The following BTF3L4 variants were observed in gnomAD, a reference collection of about 807,000 sequenced individuals.
BTF3L4 encodes the protein transcription factor BTF3 homolog 4.
Under a neutral mutation model 16.8 loss-of-function variants are expected in BTF3L4, and 6 were observed. That is an observed-to-expected ratio of 0.36 (90% CI 0.20 to 0.71). The LOEUF (loss-of-function observed/expected upper bound fraction) is 0.71, where lower values mean the gene tolerates loss of function less well. BTF3L4 is among the 30% of genes least tolerant of loss of function. The pLI, the probability that BTF3L4 is intolerant of heterozygous loss-of-function variation, is 0.58. For synonymous variants in BTF3L4, 39 were observed against 59.8 expected (o/e 0.65, Z 1.60); for missense variants, 92 against 186.9 (o/e 0.49, Z 2.96).
At chr1:52,064,027 C>T (rs757132511) in intron 2 of BTF3L4, among the ~76,000 whole-genome samples, 4 of 152,226 alleles carry the variant, frequency 2.6e-5, no homozygotes, top group Non-Finnish European at 4.4e-5. Flanking sequence ...CTAGCTCCTG[C>T]CCATGGCATT....
intron 5 of BTF3L4, 91 bp from the exon 6 acceptor site, chr1:52,086,621 A>G: frequency 1.4e-6 from 1 of 739,712 alleles, no homozygotes; most frequent in Non-Finnish European, 2.2e-6. Context: ...TACTAATTTT[A>G]TTTTTTCGGG....
intron 3 of BTF3L4, among the ~76,000 whole-genome samples, chr1:52,076,575 C>CA (rs1302563761): frequency 1.4e-5 from 2 of 146,326 alleles, no homozygotes; most frequent in Non-Finnish European, 3.0e-5. Context: ...GCCTGGGTGA[C>CA]AGAGCGAGAT....
chr1:52,061,361 A>G (rs1207863765), intron 2 of BTF3L4, among the ~76,000 whole-genome samples: 1 of 151,586 alleles, frequency 6.6e-6, no homozygotes, highest in Admixed American at 6.6e-5. Context: ...GGTGGCGCAT[A>G]CGTGTAGTCC....
chr1:52,086,892 T>C lies in BTF3L4; in HGVS notation c.*134T>C, dbSNP rs1447847280. ...AATATTTTGTATATTAATAATGCTG[T>C]TTGTTCAGCATTTTTCGGTCATTTG... is the stretch of plus-strand genomic sequence containing the variant. On this transcript the variant is annotated 3_prime_UTR_variant, in exon 6 of 6. Transcript: ENST00000313334. The C allele has an allele frequency of 6.5e-6, 3 of 464,752 alleles. No individual in the cohort carries two copies. Among genetic ancestry groups the C allele is most frequent in the African/African-American group, 6.1e-5 (3 of 49,208 alleles). The allele number at this position is 464,752 out of a possible 1,614,324, so 28.8% of individuals were successfully genotyped here.
At position 52,059,842 on chromosome 1, in the gene BTF3L4, A is replaced by G; in HGVS notation, c.-6A>G. The G allele has an allele frequency of 6.2e-7, 1 of 1,613,628 alleles. No individual in the cohort carries two copies. Among genetic ancestry groups the G allele is most frequent in the Non-Finnish European group, 8.5e-7 (1 of 1,179,692 alleles). On this transcript the variant is annotated 5_prime_UTR_variant, in exon 2 of 6. Coordinates refer to ENST00000313334, the MANE Select transcript of BTF3L4 (RefSeq NM_152265.5). ...CTATTTTTCCCCCCCTAGATTTACC[A>G]ACAGCATGAATCAAGAAAAGTTAGC...
At chr1:52,058,854 C>A (rs1346292344) in intron 1 of BTF3L4, among the ~76,000 whole-genome samples, 1 of 152,214 alleles carries the variant, frequency 6.6e-6, no homozygotes, top group East Asian at 1.9e-4. Context: ...TCCGCCTCGG[C>A]CTCCCAAAGT....
At chr1:52,072,973 G>T (rs577550375) in intron 3 of BTF3L4, among the ~76,000 whole-genome samples, 1 of 152,304 alleles carries the variant, frequency 6.6e-6, no homozygotes, top group African/African-American at 2.4e-5. Flanking sequence ...CAGAAGAATC[G>T]TTTGAACCTG....
chr1:52,056,770 C>T (rs778258361), intron 1 of BTF3L4, among the ~76,000 whole-genome samples: 1 of 152,248 alleles, frequency 6.6e-6, no homozygotes, highest in Non-Finnish European at 1.5e-5. Flanking sequence ...GATAGGGAAG[C>T]TGAGGTTACC....
chr1:52,060,715 T>G, intron 2 of BTF3L4: 1 of 723,842 alleles, frequency 1.4e-6, no homozygotes, highest in Non-Finnish European at 1.7e-6. Context: ...ACACTGATGA[T>G]AACCACAGTT....
chr1:52,071,078 G>C (rs550933105), intron 3 of BTF3L4: 1 of 152,212 alleles, frequency 6.6e-6, no homozygotes, highest in Non-Finnish European at 1.5e-5. Flanking sequence ...GTTGAATGTA[G>C]TGACTGTGCT....
chr1:52,070,572 C>A (rs1018322810), intron 3 of BTF3L4, among the ~76,000 whole-genome samples: 128 of 109,668 alleles, frequency 1.2e-3, no homozygotes, highest in Middle Eastern at 4.5e-3. Flanking sequence ...AAAAAAAAAA[C>A]AAAACTAAGG....
At chr1:52,078,056 G>A (rs1029965538) in intron 3 of BTF3L4, among the ~76,000 whole-genome samples, 15 of 151,988 alleles carry the variant, frequency 9.9e-5, no homozygotes, top group Non-Finnish European at 1.5e-4. Flanking sequence ...GAGTTGGTCT[G>A]ACAATATCCT....
At chr1:52,058,621 G>C (rs1345133561) in intron 1 of BTF3L4, among the ~76,000 whole-genome samples, 1 of 147,698 alleles carries the variant, frequency 6.8e-6, no homozygotes, top group Non-Finnish European at 1.5e-5. Flanking sequence ...TTTTTTTTGA[G>C]ACGGAGTTTC....
intron 3 of BTF3L4, among the ~76,000 whole-genome samples, chr1:52,073,948 G>A (rs1686864156): frequency 6.6e-6 from 1 of 152,058 alleles, no homozygotes; most frequent in Admixed American, 6.6e-5. Context: ...AGTGAACTGA[G>A]ATCGTGTCAC....
intron 3 of BTF3L4, among the ~76,000 whole-genome samples, chr1:52,074,804 C>T (rs544243064): frequency 5.9e-5 from 9 of 152,194 alleles, no homozygotes; most frequent in South Asian, 2.1e-4. Context: ...CCACTGCGTC[C>T]GGCTTGTTTT....
At chr1:52,057,194 C>A (rs75520288) in intron 1 of BTF3L4, among the ~76,000 whole-genome samples, 95 of 152,326 alleles carry the variant, frequency 6.2e-4, no homozygotes, top group African/African-American at 2.3e-3. Flanking sequence ...AAAGCCTGTG[C>A]TTGTCTTAGA....
At position 52,087,528 on chromosome 1, in the gene BTF3L4, C is replaced by G. The variant is rs1038829014; in HGVS notation, c.*770C>G. The G allele has an allele frequency of 6.6e-6, 1 of 152,148 alleles. No individual in the cohort carries two copies. The highest frequency in any genetic ancestry group is 2.1e-4 in the South Asian group (1 of 4,830). The allele number at this position is 152,148 out of a possible 1,614,324, so 9.4% of individuals were successfully genotyped here. ...TTCCACCTAGCTTGAGAAGGATGTT[C>G]TCCATATAGAGTTTAGCGAGTGCCT... On this transcript the variant is annotated 3_prime_UTR_variant, in exon 6 of 6. Transcript: ENST00000313334.
At chr1:52,062,974 A>T (rs1333371563) in intron 2 of BTF3L4, among the ~76,000 whole-genome samples, 4 of 152,160 alleles carry the variant, frequency 2.6e-5, no homozygotes, top group African/African-American at 9.7e-5. Context: ...GCTGCCGCTG[A>T]TCTGACTGGC....
chr1:52,073,364 CAAG>C (rs1310913173), intron 3 of BTF3L4, among the ~76,000 whole-genome samples: 1 of 151,884 alleles, frequency 6.6e-6, no homozygotes, highest in African/African-American at 2.4e-5. Flanking sequence ...GAGAAAATGT[CAAG>C]AAGACAATAT....
Sources: allele counts gnomAD v4.1 joint callset (sites outside exome capture counted in the v4.1 genomes callset), GRCh38; gene constraint gnomAD v4.1.1; transcripts MANE v1.5; gene names NCBI Gene and HGNC (gene_info 2026-07-23, HGNC 2026-07-21).